Variants in MCU observed in about 807,000 individuals in gnomAD.
MCU encodes calcium uniporter protein, mitochondrial.
In MCU, 12 loss-of-function variants were observed where a neutral mutation model predicts 45.2. The observed-to-expected ratio is 0.27, with a 90% CI of 0.17 to 0.43. The LOEUF is 0.43. Ranked by LOEUF, MCU falls within the 20% of genes least tolerant of loss-of-function variation. MCU has a pLI of 1.00. For synonymous variants in MCU, 160 were observed against 165.1 expected, an observed-to-expected ratio of 0.97 and a Z score of 0.24; for missense variants, 324 against 436.7, an observed-to-expected ratio of 0.74 and a Z score of 2.30.
intron 1 of MCU, among the ~76,000 whole-genome samples, chr10:72,714,568 G>C (rs1842935815): frequency 6.6e-6 from 1 of 151,432 alleles, no homozygotes; most frequent in Non-Finnish European, 1.5e-5. Context: ...TTTTGAGACA[G>C]AGTTTCCCTC....
chr10:72,720,839 T>C (rs1012217086), intron 1 of MCU, among the ~76,000 whole-genome samples: 18 of 152,190 alleles, frequency 1.2e-4, no homozygotes, highest in Admixed American at 6.5e-4. Context: ...GCTGAAGATA[T>C]GTAACGTGCA....
rs1466225277 is a variant in MCU, at chr10:72,716,687, C to A, written c.150+24386C>A. 2.0e-5 allele frequency among the ~76,000 whole-genome samples: 3 copies of A among 151,598 alleles called. No homozygotes were observed. In the South Asian group the frequency reaches 6.3e-4, roughly 32 times the overall value. The stretch of plus-strand genomic sequence containing the variant: ...TCGCTGGAGGCCAGGAGTGCCTAAC[C>A]AGCTTGGGCAATATAGTGAGGCCCC... On this transcript the variant is annotated intron_variant, in intron 1 of 7. Coordinates refer to ENST00000373053, the MANE Select transcript of MCU (RefSeq NM_138357.3).
At chr10:72,716,690 C>T (rs1369562587) in intron 1 of MCU, among the ~76,000 whole-genome samples, 2 of 150,864 alleles carry the variant, frequency 1.3e-5, no homozygotes, top group Non-Finnish European at 2.9e-5. Flanking sequence ...GCCTAACCAG[C>T]TTGGGCAATA....
chr10:72,721,249 C>T (rs1843017650), intron 1 of MCU: 1 of 154,078 alleles, frequency 6.5e-6, no homozygotes, highest in African/African-American at 2.4e-5. Flanking sequence ...TGATCTCACT[C>T]AGTAAAAGAC....
intron 1 of MCU, among the ~76,000 whole-genome samples, chr10:72,702,110 G>T (rs1431157764): frequency 6.9e-6 from 1 of 145,788 alleles, no homozygotes; most frequent in Admixed American, 6.7e-5. Flanking sequence ...AGTCATGGTT[G>T]GGGGGGAGGG....
At chr10:72,708,002 ATGT>A (rs1842845571) in intron 1 of MCU, among the ~76,000 whole-genome samples, 1 of 152,138 alleles carries the variant, frequency 6.6e-6, no homozygotes, top group Admixed American at 6.5e-5. Context: ...ATTATAAAAC[ATGT>A]TGTATTTTTA....
In MCU at chr10:72,825,920, A is replaced by G. The variant is rs138365982; in HGVS notation, c.151-8439A>G. 3.0e-4 allele frequency among the ~76,000 whole-genome samples: 45 copies of G among 152,360 alleles called. No homozygotes were observed. The East Asian group carries it at 8.1e-3, about 27-fold the overall frequency. Reference sequence around the variant, plus strand: ...TCATGCAACTAGAGATGAGACTAGAATCTAGCCTTTGAAACTCAACGCATT... The same window carrying G: ...TCATGCAACTAGAGATGAGACTAGAGTCTAGCCTTTGAAACTCAACGCATT... On this transcript the variant is annotated intron_variant, in intron 1 of 7. Coordinates refer to ENST00000373053, the MANE Select transcript of MCU (RefSeq NM_138357.3).
chr10:72,739,187 A>AT (rs1363212861), intron 1 of MCU, among the ~76,000 whole-genome samples: 2 of 151,800 alleles, frequency 1.3e-5, no homozygotes, highest in Admixed American at 6.6e-5. Context: ...GTGCCTTAAC[A>AT]TTTTTTTTGA....
intron 1 of MCU, among the ~76,000 whole-genome samples, chr10:72,813,451 T>TC (rs1491475170): frequency 7.3e-4 from 20 of 27,286 alleles, no homozygotes; most frequent in African/African-American, 1.9e-3. Context: ...CAGCTCTCTC[T>TC]TTTTTTTTTT....
At chr10:72,803,797 T>C (rs1187074036) in intron 1 of MCU, among the ~76,000 whole-genome samples, 1 of 151,550 alleles carries the variant, frequency 6.6e-6, no homozygotes, top group African/African-American at 2.4e-5. Flanking sequence ...AATACTTCAA[T>C]ATATTTCTCT....
chr10:72,762,585 C>A (rs1843670338), intron 1 of MCU, among the ~76,000 whole-genome samples: 1 of 152,026 alleles, frequency 6.6e-6, no homozygotes, highest in Admixed American at 6.6e-5. Flanking sequence ...AATTAAGATT[C>A]TGGATTGAAG....
At chr10:72,792,551 A>G (rs1844177933) in intron 1 of MCU, among the ~76,000 whole-genome samples, 1 of 152,136 alleles carries the variant, frequency 6.6e-6, no homozygotes, top group Admixed American at 6.5e-5. Flanking sequence ...ATCAGTTCCC[A>G]GGGAATCCTA....
chr10:72,806,194 G>A (rs1012115322), intron 1 of MCU, among the ~76,000 whole-genome samples: 3 of 113,934 alleles, frequency 2.6e-5, no homozygotes, highest in Admixed American at 2.5e-4. Context: ...TCTCACTCTT[G>A]TTGCCCAGGC....
At chr10:72,753,513 G>A (rs1843531032) in intron 1 of MCU, among the ~76,000 whole-genome samples, 1 of 152,156 alleles carries the variant, frequency 6.6e-6, no homozygotes, top group Admixed American at 6.5e-5. Context: ...GATATTAATA[G>A]TTACAGTTTA....
chr10:72,726,018 TA>T (rs1482603957), intron 1 of MCU, among the ~76,000 whole-genome samples: 1 of 152,220 alleles, frequency 6.6e-6, no homozygotes, highest in Non-Finnish European at 1.5e-5. Context: ...GTCGTATATA[TA>T]TCCTTCCATA....
At chr10:72,867,476 AGGC>A in intron 4 of MCU, among the ~76,000 whole-genome samples, 1 of 152,262 alleles carries the variant, frequency 6.6e-6, no homozygotes, top group East Asian at 1.9e-4. Context: ...CATGATACTG[AGGC>A]CCATACAGCT....
chr10:72,830,823 C>A (rs1316796548), intron 1 of MCU, among the ~76,000 whole-genome samples: 2 of 152,178 alleles, frequency 1.3e-5, no homozygotes, highest in African/African-American at 4.8e-5. Context: ...GGAATGACAC[C>A]TGTGGTCGCA....
intron 1 of MCU, among the ~76,000 whole-genome samples, chr10:72,753,492 A>C (rs896351546): frequency 1.3e-5 from 2 of 152,204 alleles, no homozygotes; most frequent in African/African-American, 2.4e-5. Context: ...TCTGAGGCTG[A>C]GAGAGATTAT....
chr10:72,718,475 TC>T (rs1842980547), intron 1 of MCU, among the ~76,000 whole-genome samples: 1 of 152,228 alleles, frequency 6.6e-6, no homozygotes, highest in African/African-American at 2.4e-5. Context: ...ATAAGTTTTT[TC>T]CCGCTGAAAG....
Sources: gnomAD v4.1 joint callset for allele counts (sites outside exome capture counted in the v4.1 genomes callset) on GRCh38, gnomAD v4.1.1 for gene constraint, MANE v1.5 for transcripts, NCBI Gene and HGNC (gene_info 2026-07-23, HGNC 2026-07-21) for gene names.